Variants in LIMK2 observed in about 807,000 individuals in gnomAD.
The protein encoded by LIMK2 is LIM domain kinase 2.
Under a neutral mutation model 75.7 loss-of-function variants are expected in LIMK2, and 35 were observed. The observed-to-expected ratio is 0.46, with a 90% CI of 0.35 to 0.61. The LOEUF is 0.61. Ranked by LOEUF, LIMK2 falls within the 20% of genes least tolerant of loss-of-function variation. The pLI is 0.00. For synonymous variants in LIMK2, 301 were observed against 319.2 expected, an observed-to-expected ratio of 0.94 and a Z score of 0.61; for missense variants, 623 against 831.0, an observed-to-expected ratio of 0.75 and a Z score of 3.08.
chr22:31,213,760 T>C (rs2048367373), intron 1 of LIMK2, among the ~76,000 whole-genome samples: 1 of 151,994 alleles, frequency 6.6e-6, no homozygotes, highest in Non-Finnish European at 1.5e-5. Context: ...ACCTTGTCTC[T>C]TAAAAAAGAT....
chr22:31,276,510 G>A (rs1476234657), intron 15 of LIMK2, among the ~76,000 whole-genome samples: 1 of 146,932 alleles, frequency 6.8e-6, no homozygotes, highest in African/African-American at 2.4e-5. Flanking sequence ...GATCGGCGGG[G>A]AGGGGGCGGG....
intron 2 of LIMK2, among the ~76,000 whole-genome samples, chr22:31,234,719 C>CAA (rs35909225): frequency 2.0e-3 from 135 of 68,246 alleles, no homozygotes; most frequent in Middle Eastern, 7.8e-3. Flanking sequence ...GACTCCATCT[C>CAA]AAAAAAAAAA....
At position 31,260,224 on chromosome 22, in the gene LIMK2, T is replaced by C. The variant is rs113782319; in HGVS notation, c.551+147T>C. 714 of 635,674 alleles carry C rather than the reference T, an allele frequency of 1.1e-3. 2 individuals carry two copies. Among genetic ancestry groups the C allele is most frequent in the Middle Eastern group, 5.2e-3 (13 of 2,524 alleles). 39.4% of individuals were successfully genotyped at this position (635,674 alleles called of 1,614,324 possible). A position where few individuals can be genotyped will look rare whatever the true frequency, so the allele number is the denominator to read the frequency against. ...CCTGGACCCCACTATGCTGTAACCG[T>C]ACCTGGGCCTTGGCACTTACTGTTC... On this transcript the variant is annotated intron_variant, in intron 5 of 15. Transcript: ENST00000331728.
intron 13 of LIMK2, chr22:31,272,989 C>G: frequency 8.3e-7 from 1 of 1,202,610 alleles, no homozygotes; most frequent in East Asian, 3.9e-5. Flanking sequence ...CTTTAGCCTT[C>G]TCTCTCCATG....
intron 15 of LIMK2, chr22:31,277,318 TTTA>T: frequency 6.9e-7 from 1 of 1,441,534 alleles, no homozygotes. Context: ...TTTGGATTTT[TTTA>T]TTGTTATTAA....
At chr22:31,220,798 A>G (rs1033329008) in intron 1 of LIMK2, among the ~76,000 whole-genome samples, 1 of 152,172 alleles carries the variant, frequency 6.6e-6, no homozygotes, top group African/African-American at 2.4e-5. Context: ...CTCCGTCTCT[A>G]CTAAAAATAC....
At chr22:31,258,560 A>C in intron 3 of LIMK2, 134 bp downstream of exon 3, 1 of 862,164 alleles carries the variant, frequency 1.2e-6, no homozygotes, top group Non-Finnish European at 1.8e-6. Flanking sequence ...TCATTCATTC[A>C]ACTAGCAGGT....
rs2048979170 is a variant in LIMK2 at position 31,273,434 on chromosome 22, T to C, written c.1559-18T>C. The C allele has an allele frequency of 1.9e-6, 3 of 1,610,918 alleles. No individual in the cohort carries two copies. Among genetic ancestry groups the C allele is most frequent in the African/African-American group, 1.3e-5 (1 of 74,834 alleles). On this transcript the variant is annotated intron_variant, in intron 13 of 15. Transcript: ENST00000331728. ...AAGGGATGTAAACTTAACAGTGTGC[T>C]CTCCTGTGTTCCCCAAGGAAAGAGC...
At chr22:31,233,431 G>A (rs1347075407) in intron 2 of LIMK2, among the ~76,000 whole-genome samples, 1 of 152,066 alleles carries the variant, frequency 6.6e-6, no homozygotes, top group Non-Finnish European at 1.5e-5. Flanking sequence ...TACCTCTCTG[G>A]TAATACCTGT....
At chr22:31,264,932 G>T (rs999456858) in intron 7 of LIMK2, among the ~76,000 whole-genome samples, 1 of 151,612 alleles carries the variant, frequency 6.6e-6, no homozygotes, top group African/African-American at 2.4e-5. Flanking sequence ...GGTGGCTCAC[G>T]CCTGTAATCC....
chr22:31,224,728 T>A (rs144550565), intron 1 of LIMK2, among the ~76,000 whole-genome samples: 3 of 152,334 alleles, frequency 2.0e-5, no homozygotes, highest in African/African-American at 7.2e-5. Flanking sequence ...ATCTCTGAAA[T>A]AACATCCAAG....
chr22:31,250,802 G>A (rs1169172604), intron 2 of LIMK2, among the ~76,000 whole-genome samples: 1 of 152,174 alleles, frequency 6.6e-6, no homozygotes, highest in African/African-American at 2.4e-5. Context: ...TTTCATCCTT[G>A]GCAGAAAGTA....
Position 31,262,558 on chromosome 22 carries a change from G to A in LIMK2, c.658-37G>A. 1 of 1,573,766 alleles carries A rather than the reference G, an allele frequency of 6.4e-7. No homozygotes were observed. The highest frequency in any genetic ancestry group is 8.7e-7 in the Non-Finnish European group (1 of 1,153,816). ...TTGGCCATGGGTGGCCTGGGATGGGGCAGCCTGTGGGAGCTTTATACTGCT... is the reference window on the plus strand; with the variant it reads ...TTGGCCATGGGTGGCCTGGGATGGGACAGCCTGTGGGAGCTTTATACTGCT... On this transcript the variant is annotated intron_variant, in intron 6 of 15. Transcript: ENST00000331728. The surrounding 1 kb of genome is among the most constrained non-coding windows in gnomAD (Gnocchi z 5.0).
chr22:31,224,989 T>C (rs926249229), intron 1 of LIMK2, among the ~76,000 whole-genome samples: 1 of 152,210 alleles, frequency 6.6e-6, no homozygotes, highest in East Asian at 1.9e-4. Flanking sequence ...AGTGGTGGCA[T>C]TAGATTCTCA....
chr22:31,260,025 G>A lies in LIMK2; in HGVS notation c.499G>A (p.Val167Met), dbSNP rs142840455. Reference sequence around the variant, plus strand: ...CACTGAAGGCAGGCGGGGCTTCTCCGTGTCCGTGGAGAGTGCCTGCTCCAA... The same window carrying A: ...CACTGAAGGCAGGCGGGGCTTCTCCATGTCCGTGGAGAGTGCCTGCTCCAA... ...ATTEGRRGFS[V>M]SVESACSNYA... Residue 167 changes from valine to methionine, a missense_variant, in exon 5 of 16, where the codon GTG becomes ATG. Around this residue, in one of 3 missense-constraint regions of LIMK2, gnomAD observed 514 missense variants for 661.3 expected, o/e 0.78. Transcript: ENST00000331728. 539 of 1,608,528 alleles carry A rather than the reference G, an allele frequency of 3.4e-4. 1 individual carries two copies. The highest frequency in any genetic ancestry group is 1.8e-3 in the South Asian group (161 of 90,508).
intron 15 of LIMK2, chr22:31,276,892 C>G: frequency 3.7e-6 from 6 of 1,612,862 alleles, no homozygotes; most frequent in Non-Finnish European, 5.1e-6. Flanking sequence ...CAAGGAGCTA[C>G]GGAAGCACCT....
At chr22:31,243,472 G>GAA (rs1193051171) in intron 2 of LIMK2, among the ~76,000 whole-genome samples, 2 of 152,204 alleles carry the variant, frequency 1.3e-5, no homozygotes, top group African/African-American at 4.8e-5. Context: ...AAAAGGTTGG[G>GAA]GTGATTCATT....
chr22:31,268,774 A>T (rs758997966), intron 11 of LIMK2, among the ~76,000 whole-genome samples: 1 of 152,232 alleles, frequency 6.6e-6, no homozygotes, highest in Non-Finnish European at 1.5e-5. Flanking sequence ...ATTAACATGC[A>T]TGTGCATGTT....
chr22:31,278,135 G>A (rs1020164003), intron 15 of LIMK2, among the ~76,000 whole-genome samples, 162 bp from the exon 16 acceptor site: 1 of 152,220 alleles, frequency 6.6e-6, no homozygotes, highest in East Asian at 1.9e-4. Flanking sequence ...AAATATATGA[G>A]GTACCGGTAA....
Sources: gnomAD v4.1 joint callset for allele counts (sites outside exome capture counted in the v4.1 genomes callset) on GRCh38, gnomAD v4.1.1 for gene constraint, gnomAD v4.1.1 regional missense constraint, Gnocchi (gnomAD v3.1) non-coding constraint, MANE v1.5 for transcripts, NCBI Gene and HGNC (gene_info 2026-07-23, HGNC 2026-07-21) for gene names.